The following SLC35F2 variants were observed in gnomAD, a reference collection of about 807,000 sequenced individuals.
SLC35F2 encodes solute carrier family 35 member F2.
SLC35F2 carries 25 observed loss-of-function variants against 38.1 expected under a neutral mutation model. The observed-to-expected ratio is 0.66, with a 90% CI of 0.48 to 0.92. SLC35F2 has a LOEUF of 0.92. SLC35F2 is among the 40% of genes least tolerant of loss of function. The probability of loss-of-function intolerance (pLI) is 0.00; values close to 1 mark genes in which losing one functional copy is unlikely to be tolerated. For missense variants in SLC35F2, 409 were observed against 452.9 expected, an observed-to-expected ratio of 0.90 and a Z score of 0.88; for synonymous variants, 173 against 181.7, an observed-to-expected ratio of 0.95 and a Z score of 0.38.
chr11:107,844,171 A>T (rs906604897), intron 1 of SLC35F2, among the ~76,000 whole-genome samples: 1 of 152,064 alleles, frequency 6.6e-6, no homozygotes, highest in Non-Finnish European at 1.5e-5. Flanking sequence ...GAGTAAGAGC[A>T]CAGGCTCTGG....
At chr11:107,833,732 T>C (rs1279639364) in intron 1 of SLC35F2, among the ~76,000 whole-genome samples, 1 of 152,160 alleles carries the variant, frequency 6.6e-6, no homozygotes, top group Non-Finnish European at 1.5e-5. Context: ...GAGTCTTTTA[T>C]TTAAGCCAGC....
intron 2 of SLC35F2, 126 bp from the exon 3 acceptor site, chr11:107,811,920 G>A: frequency 1.1e-6 from 1 of 877,826 alleles, no homozygotes; most frequent in Admixed American, 2.6e-5. Context: ...TCTTCTTTTT[G>A]AGATAGGGTC....
At chr11:107,814,634 G>A (rs1859537658) in intron 2 of SLC35F2, among the ~76,000 whole-genome samples, 1 of 152,090 alleles carries the variant, frequency 6.6e-6, no homozygotes, top group Non-Finnish European at 1.5e-5. Flanking sequence ...AATACCAAGA[G>A]CGACCCCTAA....
chr11:107,856,406 G>A (rs569559117), intron 1 of SLC35F2, among the ~76,000 whole-genome samples: 1 of 152,168 alleles, frequency 6.6e-6, no homozygotes, highest in African/African-American at 2.4e-5. Flanking sequence ...AAGAAAACTG[G>A]AGCACAGGCT....
At chr11:107,839,841 T>C (rs908878112) in intron 1 of SLC35F2, among the ~76,000 whole-genome samples, 1 of 152,124 alleles carries the variant, frequency 6.6e-6, no homozygotes. Flanking sequence ...TTAGTAGATA[T>C]GGGGTTTCTG....
chr11:107,822,829 TCA>T (rs941139210), intron 1 of SLC35F2, among the ~76,000 whole-genome samples: 8 of 151,976 alleles, frequency 5.3e-5, no homozygotes, highest in African/African-American at 1.9e-4. Context: ...TGGAGAAGGT[TCA>T]CAGAGGAGTC....
intron 7 of SLC35F2, among the ~76,000 whole-genome samples, chr11:107,797,424 G>A (rs1591183448): frequency 6.6e-6 from 1 of 152,018 alleles, no homozygotes; most frequent in African/African-American, 2.4e-5. Flanking sequence ...ACAGTGGTAG[G>A]CACCTGCAGT....
intron 1 of SLC35F2, among the ~76,000 whole-genome samples, chr11:107,824,523 A>T (rs757390220): frequency 2.0e-5 from 3 of 152,220 alleles, no homozygotes; most frequent in Non-Finnish European, 4.4e-5. Context: ...GTTCTGGAAA[A>T]GGCTAGTAGA....
intron 6 of SLC35F2, chr11:107,803,374 A>T (rs978266679): frequency 2.0e-6 from 2 of 985,426 alleles, no homozygotes; most frequent in Non-Finnish European, 2.4e-6. Context: ...AAAAAATCCA[A>T]CAAGGTATTG....
chr11:107,833,926 G>C (rs919750588), intron 1 of SLC35F2, among the ~76,000 whole-genome samples: 1 of 152,182 alleles, frequency 6.6e-6, no homozygotes, highest in Non-Finnish European at 1.5e-5. Flanking sequence ...AAGACAAATG[G>C]TTACAAAAAA....
chr11:107,851,234 G>GC (rs760267468), intron 1 of SLC35F2, among the ~76,000 whole-genome samples: 8 of 151,254 alleles, frequency 5.3e-5, no homozygotes, highest in Non-Finnish European at 1.0e-4. Context: ...CTGTACTCTA[G>GC]CCGGGGCAAC....
At chr11:107,804,588 G>C in intron 6 of SLC35F2, 130 bp downstream of exon 6, 1 of 648,964 alleles carries the variant, frequency 1.5e-6, no homozygotes, top group Non-Finnish European at 2.6e-6. Flanking sequence ...AACCACTATA[G>C]TTGATATGTA....
intron 1 of SLC35F2, among the ~76,000 whole-genome samples, chr11:107,850,018 T>A (rs1860153405): frequency 6.6e-6 from 1 of 152,164 alleles, no homozygotes; most frequent in African/African-American, 2.4e-5. Flanking sequence ...CTCTCCAAGC[T>A]CCTTGGGCTA....
At chr11:107,820,137 T>C (rs1859644535) in intron 1 of SLC35F2, among the ~76,000 whole-genome samples, 1 of 150,254 alleles carries the variant, frequency 6.7e-6, no homozygotes, top group African/African-American at 2.5e-5. Context: ...ACGCCTGTAA[T>C]CCCAGCTTCT....
intron 1 of SLC35F2, among the ~76,000 whole-genome samples, chr11:107,822,101 G>A (rs1859680567): frequency 6.6e-6 from 1 of 152,122 alleles, no homozygotes; most frequent in South Asian, 2.1e-4. Flanking sequence ...AAATTAACTG[G>A]GTGTGGTGGC....
At chr11:107,841,475 A>T (rs1361117382) in intron 1 of SLC35F2, among the ~76,000 whole-genome samples, 1 of 149,942 alleles carries the variant, frequency 6.7e-6, no homozygotes, top group Non-Finnish European at 1.5e-5. Context: ...AGGCAGGATA[A>T]TTGCTTGAAT....
At chr11:107,858,499 A>G in intron 1 of SLC35F2, 159 bp downstream of exon 1, 1 of 541,368 alleles carries the variant, frequency 1.8e-6, no homozygotes, top group East Asian at 3.5e-5. Flanking sequence ...AGCGCACCAT[A>G]CCTGGTGTGC....
chr11:107,850,363 A>G (rs1860159600), intron 1 of SLC35F2, among the ~76,000 whole-genome samples: 1 of 152,166 alleles, frequency 6.6e-6, no homozygotes, highest in South Asian at 2.1e-4. Flanking sequence ...ACAATAGACT[A>G]AATCAGTGGT....
At chr11:107,810,038 CT>C (rs1859458726) in intron 3 of SLC35F2, 1 of 985,246 alleles carries the variant, frequency 1.0e-6, no homozygotes, top group African/African-American at 1.7e-5. Context: ...CTAAGGAATC[CT>C]TAAGAAGAAG....
Sources: gnomAD v4.1 joint callset for allele counts (sites outside exome capture counted in the v4.1 genomes callset) on GRCh38, gnomAD v4.1.1 for gene constraint, MANE v1.5 for transcripts, NCBI Gene and HGNC (gene_info 2026-07-23, HGNC 2026-07-21) for gene names.